DPP10: variants seen among roughly 807,000 people sequenced by gnomAD.
The protein encoded by DPP10 is inactive dipeptidyl peptidase 10.
In DPP10, 33 loss-of-function variants were observed where a neutral mutation model predicts 120.9. The observed-to-expected ratio is 0.27, with a 90% confidence interval of 0.21 to 0.37. The LOEUF is 0.37. Ranked by LOEUF, DPP10 falls within the 10% of genes least tolerant of loss-of-function variation. The pLI is 1.00. For synonymous variants in DPP10, 337 were observed against 326.1 expected (o/e 1.03, Z -0.36); for missense variants, 816 against 942.8 (o/e 0.87, Z 1.76).
chr2:115,555,273 AC>A (rs1414063371), intron 5 of DPP10, among the ~76,000 whole-genome samples: 1 of 152,096 alleles, frequency 6.6e-6, no homozygotes, highest in Non-Finnish European at 1.5e-5. Flanking sequence ...CTGCCCTCTT[AC>A]GTTTGGAGCT....
intron 1 of DPP10, among the ~76,000 whole-genome samples, chr2:115,071,676 A>AT (rs1190259467): frequency 2.8e-5 from 4 of 145,112 alleles, no homozygotes; most frequent in African/African-American, 5.4e-5. Flanking sequence ...TTCTATATTT[A>AT]TTTAAAAAAA....
intron 5 of DPP10, among the ~76,000 whole-genome samples, chr2:115,610,848 AGAAG>A (rs906378069): frequency 9.2e-5 from 14 of 152,202 alleles, no homozygotes; most frequent in African/African-American, 1.9e-4. Flanking sequence ...AAAAGAAAGA[AGAAG>A]AAAATCAGTA....
intron 1 of DPP10, among the ~76,000 whole-genome samples, chr2:115,179,178 T>C (rs2053907010): frequency 6.6e-6 from 1 of 152,182 alleles, no homozygotes; most frequent in South Asian, 2.1e-4. Flanking sequence ...TGAAACACAA[T>C]TCTATACCTT....
chr2:114,453,353 A>G (rs1169294762), intron 1 of DPP10, among the ~76,000 whole-genome samples: 1 of 152,190 alleles, frequency 6.6e-6, no homozygotes, highest in Non-Finnish European at 1.5e-5. Flanking sequence ...GTCTCCTTTC[A>G]TATTAAATGA....
Position 115,219,380 on chromosome 2 carries a change from C to G in DPP10, c.61-89859C>G, listed in dbSNP as rs551724690. 4.6e-5 allele frequency among the ~76,000 whole-genome samples: 7 copies of G among 151,408 alleles called. No homozygotes were observed. In the South Asian group the frequency reaches 1.5e-3, roughly 32 times the overall value. ...TGAGCATGGTTCAAGATTTCCAGCT[C>G]TGACTCTAAATACTTTTCCATAATC... On this transcript the variant is annotated intron_variant, in intron 1 of 25. Transcript: ENST00000410059.
At position 115,690,071 on chromosome 2, in the gene DPP10, C is replaced by A. The variant is rs534896932; in HGVS notation, c.576+150C>A. 1.8e-3 allele frequency: 1,196 copies of A among 656,030 alleles called. 4 individuals carry two copies. Among genetic ancestry groups the A allele is most frequent in the Middle Eastern group, 6.7e-3 (20 of 3,002 alleles). 40.6% of individuals were successfully genotyped at this position (656,030 alleles called of 1,614,324 possible). ...TTATATCTTTTATCTAATAGTCCAACTTAAGAATACATTAAATGATACTAG... is the reference window on the plus strand; with the variant it reads ...TTATATCTTTTATCTAATAGTCCAAATTAAGAATACATTAAATGATACTAG... On this transcript the variant is annotated intron_variant, in intron 7 of 25. Transcript: ENST00000410059.
At chr2:114,938,729 C>CTTTTTTT (rs5833569) in intron 1 of DPP10, among the ~76,000 whole-genome samples, 7 of 102,590 alleles carry the variant, frequency 6.8e-5, no homozygotes, top group Admixed American at 2.0e-4. Context: ...CACTTTGTCC[C>CTTTTTTT]TTTTTTTTTT....
chr2:115,316,257 T>C (rs1053609412), intron 2 of DPP10, among the ~76,000 whole-genome samples: 2 of 152,200 alleles, frequency 1.3e-5, no homozygotes, highest in Admixed American at 1.3e-4. Context: ...TTCACACAAC[T>C]AGAAGGCAGA....
chr2:115,084,610 G>C (rs559653308), intron 1 of DPP10, among the ~76,000 whole-genome samples: 3 of 152,154 alleles, frequency 2.0e-5, no homozygotes, highest in Admixed American at 1.3e-4. Flanking sequence ...AACATATGGT[G>C]CTAGCTCAGA....
At chr2:115,631,713 G>C (rs2085887060) in intron 5 of DPP10, among the ~76,000 whole-genome samples, 1 of 152,222 alleles carries the variant, frequency 6.6e-6, no homozygotes, top group South Asian at 2.1e-4. Context: ...TCATGTAGTT[G>C]TGTGCTTTTG....
At chr2:115,772,821 A>G (rs550155071) in intron 13 of DPP10, among the ~76,000 whole-genome samples, 2 of 152,232 alleles carry the variant, frequency 1.3e-5, no homozygotes, top group African/African-American at 4.8e-5. Context: ...TCTCTCAAAG[A>G]TGGAGTAAGC....
chr2:115,424,863 C>G (rs1213885204), intron 3 of DPP10, among the ~76,000 whole-genome samples: 3 of 152,146 alleles, frequency 2.0e-5, no homozygotes, highest in Non-Finnish European at 2.9e-5. Context: ...ATTTGAGATT[C>G]TGACTAATAG....
At chr2:115,452,772 A>G (rs2073209269) in intron 3 of DPP10, among the ~76,000 whole-genome samples, 1 of 151,796 alleles carries the variant, frequency 6.6e-6, no homozygotes, top group Admixed American at 6.6e-5. Flanking sequence ...TACTGATCAA[A>G]ATAATTCAGG....
At chr2:115,316,353 A>T (rs1199844560) in intron 2 of DPP10, among the ~76,000 whole-genome samples, 4 of 152,202 alleles carry the variant, frequency 2.6e-5, no homozygotes, top group Admixed American at 2.6e-4. Context: ...TCTTGTGCCC[A>T]TGGATGATAG....
chr2:114,999,678 G>T (rs1296832957), intron 1 of DPP10, among the ~76,000 whole-genome samples: 1 of 151,942 alleles, frequency 6.6e-6, no homozygotes, highest in Non-Finnish European at 1.5e-5. Context: ...ATCTTTGTTT[G>T]TTCTTAATAC....
At chr2:114,556,230 G>GATATATATAT (rs1237590391) in intron 1 of DPP10, among the ~76,000 whole-genome samples, 5 of 27,898 alleles carry the variant, frequency 1.8e-4, no homozygotes, top group African/African-American at 6.8e-4. Context: ...ATACATAGAT[G>GATATATATAT]ATACATATAT....
intron 1 of DPP10, among the ~76,000 whole-genome samples, chr2:115,238,788 A>G (rs952585112): frequency 8.5e-5 from 13 of 152,312 alleles, no homozygotes; most frequent in Middle Eastern, 3.4e-3. Context: ...AAGCAGTGGT[A>G]GATTGTATTA....
At chr2:115,524,415 G>A (rs1360272002) in intron 4 of DPP10, among the ~76,000 whole-genome samples, 1 of 152,034 alleles carries the variant, frequency 6.6e-6, no homozygotes, top group Non-Finnish European at 1.5e-5. Flanking sequence ...GAGATATATG[G>A]GGTGATGTCT....
intron 1 of DPP10, among the ~76,000 whole-genome samples, chr2:115,174,143 TATC>T (rs2053547714): frequency 2.0e-5 from 3 of 152,200 alleles, no homozygotes; most frequent in Non-Finnish European, 4.4e-5. Flanking sequence ...TAAGGTTAAC[TATC>T]ATGGTTTGTG....
Sources: gnomAD v4.1 joint callset for allele counts (sites outside exome capture counted in the v4.1 genomes callset) on GRCh38, gnomAD v4.1.1 for gene constraint, MANE v1.5 for transcripts, NCBI Gene and HGNC (gene_info 2026-07-23, HGNC 2026-07-21) for gene names.